Variants in COL5A2 observed in about 807,000 individuals in gnomAD.
COL5A2 encodes the protein collagen alpha-2(V) chain.
A neutral mutation model predicts 208.2 loss-of-function variants in COL5A2; 23 were observed. The observed-to-expected ratio is 0.11, with a 90% CI of 0.08 to 0.16. The LOEUF (loss-of-function observed/expected upper bound fraction) is 0.16, where lower values mean the gene tolerates loss of function less well. Ranked by LOEUF, COL5A2 falls within the 10% of genes least tolerant of loss-of-function variation. The pLI, the probability that COL5A2 is intolerant of heterozygous loss-of-function variation, is 1.00. For missense variants in COL5A2, 1,590 were observed against 1,956.4 expected (o/e 0.81, Z 3.53); for synonymous variants, 625 against 628.5 (o/e 0.99, Z 0.08).
intron 35 of COL5A2, chr2:189,056,769 GTT>G: frequency 3.2e-6 from 2 of 620,376 alleles, no homozygotes; most frequent in Middle Eastern, 4.2e-4. Context: ...CAATAAATAT[GTT>G]TTTATTTAAG....
chr2:189,227,113 GT>G (rs375480524), upstream of COL5A2, among the ~76,000 whole-genome samples: 86 of 152,200 alleles, frequency 5.7e-4, no homozygotes, highest in South Asian at 0.016. Flanking sequence ...ATTGGTGAAA[GT>G]TTTTCTCTAT....
the COL5A2 span, among the ~76,000 whole-genome samples, chr2:189,414,226 A>G: frequency 6.6e-6 from 1 of 152,194 alleles, no homozygotes; most frequent in Non-Finnish European, 1.5e-5. Flanking sequence ...GTAAAATCAA[A>G]GGGGAAATTT....
At chr2:189,119,437 C>T (rs956183781) in intron 1 of COL5A2, among the ~76,000 whole-genome samples, 1 of 152,076 alleles carries the variant, frequency 6.6e-6, no homozygotes, top group Non-Finnish European at 1.5e-5. Flanking sequence ...GGAGATTTTT[C>T]ACCTACAAAT....
rs369992922 is a variant in COL5A2, at chr2:189,051,302, C to T, written c.2931+18G>A. ...TATCTCAGTTGAAGGTGGTCTGGAA[C>T]GGATACGCCAAACTTACAGGTTGCC... On this transcript the variant is annotated intron_variant, in intron 42 of 53. Coordinates refer to ENST00000374866, the MANE Select transcript of COL5A2 (RefSeq NM_000393.5). 145 of 1,613,942 alleles carry T rather than the reference C, an allele frequency of 9.0e-5. No individual in the cohort carries two copies. The highest frequency in any genetic ancestry group is 5.2e-4 in the South Asian group (47 of 91,056).
intron 1 of COL5A2, among the ~76,000 whole-genome samples, chr2:189,178,189 A>G (rs1487881806): frequency 1.3e-5 from 2 of 152,148 alleles, no homozygotes; most frequent in Admixed American, 6.5e-5. Context: ...AAAACGTAAC[A>G]TAAAAAGCTC....
At chr2:189,129,303 C>A (rs533534746) in intron 1 of COL5A2, among the ~76,000 whole-genome samples, 1 of 151,936 alleles carries the variant, frequency 6.6e-6, no homozygotes, top group South Asian at 2.1e-4. Flanking sequence ...AGGAAAAACT[C>A]CTTACATTTC....
In COL5A2 at chr2:189,117,105, ATTAGGTATAC is replaced by A. The variant is rs1687406656; in HGVS notation, c.98-6666_98-6657del. ...AAAAATAGAAAGGAAAAACTCTCAT[ATTAGGTATAC>A]TTAAGTTTTTTTCCATGTATCATTG... On this transcript the variant is annotated intron_variant, in intron 1 of 53. Coordinates refer to ENST00000374866, the MANE Select transcript of COL5A2 (RefSeq NM_000393.5). 5.5e-5 allele frequency among the ~76,000 whole-genome samples: 3 copies of A among 54,152 alleles called. 1 individual carries two copies. In the South Asian group the frequency reaches 3.9e-3, roughly 70 times the overall value. The allele number at this position is 54,152 out of a possible 152,430, so 35.5% of individuals were successfully genotyped here.
At chr2:189,096,637 A>AT (rs1224131648) in intron 6 of COL5A2, among the ~76,000 whole-genome samples, 2 of 151,570 alleles carry the variant, frequency 1.3e-5, no homozygotes, top group Non-Finnish European at 2.9e-5. Flanking sequence ...AAAAAAAAAA[A>AT]AGAAAAAAAA....
chr2:189,078,911 C>T, intron 15 of COL5A2, 152 bp downstream of exon 15: 2 of 705,466 alleles, frequency 2.8e-6, no homozygotes, highest in Non-Finnish European at 2.5e-6. Context: ...CTCTCCTGTG[C>T]TTGTCTATCA....
the COL5A2 span, among the ~76,000 whole-genome samples, chr2:189,350,816 CTGGTTATTACA>C: frequency 3.9e-5 from 6 of 152,164 alleles, no homozygotes; most frequent in Admixed American, 2.6e-4. Context: ...AGTCAACCTC[CTGGTTATTACA>C]TCTCCATGTC....
the COL5A2 span, among the ~76,000 whole-genome samples, chr2:189,298,726 T>G: frequency 0.022 from 3,338 of 152,284 alleles, 123 homozygotes; most frequent in African/African-American, 0.077. Flanking sequence ...AGTGACTCTC[T>G]TAGAGCCCCT....
At chr2:189,071,475 T>C (rs1328055869) in intron 18 of COL5A2, among the ~76,000 whole-genome samples, 1 of 152,206 alleles carries the variant, frequency 6.6e-6, no homozygotes, top group African/African-American at 2.4e-5. Flanking sequence ...ACTACAAATA[T>C]TAAGTCATCC....
chr2:189,054,567 C>T (rs1319212482), intron 35 of COL5A2, among the ~76,000 whole-genome samples: 1 of 151,682 alleles, frequency 6.6e-6, no homozygotes, highest in Non-Finnish European at 1.5e-5. Flanking sequence ...CATTTGACCA[C>T]AAATTGAAAA....
chr2:189,224,969 C>T (rs540703913), intron 1 of COL5A2, among the ~76,000 whole-genome samples: 18 of 151,990 alleles, frequency 1.2e-4, no homozygotes, highest in Non-Finnish European at 2.2e-4. Flanking sequence ...AGGCATGTCA[C>T]GAAAGAATAC....
At chr2:189,072,855 C>CATTTG (rs1273023212) in intron 17 of COL5A2, among the ~76,000 whole-genome samples, 1 of 149,752 alleles carries the variant, frequency 6.7e-6, no homozygotes, top group Non-Finnish European at 1.5e-5. Flanking sequence ...TATTACCCTA[C>CATTTG]ATTTGGGAAG....
upstream of COL5A2, among the ~76,000 whole-genome samples, chr2:189,182,528 G>A (rs143638861): frequency 6.6e-6 from 1 of 152,086 alleles, no homozygotes; most frequent in South Asian, 2.1e-4. Flanking sequence ...CCACCACACT[G>A]TCCCCAGGAG....
In COL5A2 at chr2:189,100,254, A is replaced by T. The variant is rs529799662; in HGVS notation, c.337-115T>A. The T allele has an allele frequency of 3.7e-4, 296 of 797,430 alleles. 1 individual carries two copies. The highest frequency in any genetic ancestry group is 5.2e-4 in the Middle Eastern group (2 of 3,830). The allele number at this position is 797,430 out of a possible 1,614,324, so 49.4% of individuals were successfully genotyped here. ...AACACAGGGAATTTCTATGTAAGAA[A>T]TGCAAAAAACTACAAAAAGAAAGTT... On this transcript the variant is annotated intron_variant, in intron 3 of 53. Transcript: ENST00000374866.
intron 44 of COL5A2, 91 bp downstream of exon 44, chr2:189,049,256 C>T (rs1283921536): frequency 1.1e-6 from 1 of 873,562 alleles, no homozygotes; most frequent in Non-Finnish European, 1.9e-6. Flanking sequence ...GTCAAATATG[C>T]AATAAAATTC....
the COL5A2 span, among the ~76,000 whole-genome samples, chr2:189,312,212 CT>C: frequency 1.3e-5 from 2 of 152,168 alleles, no homozygotes; most frequent in African/African-American, 4.8e-5. Context: ...GGATTTTGCT[CT>C]CCAGCTTCCT....
Sources: allele counts gnomAD v4.1 joint callset (sites outside exome capture counted in the v4.1 genomes callset), GRCh38; gene constraint gnomAD v4.1.1; transcripts MANE v1.5; gene names NCBI Gene and HGNC (gene_info 2026-07-23, HGNC 2026-07-21).